EYS: variants seen among roughly 807,000 people sequenced by gnomAD.
The protein encoded by EYS is protein eyes shut homolog.
In EYS, 250 loss-of-function variants were observed where a neutral mutation model predicts 282.1. The ratio of observed to expected loss-of-function variants is 0.89; its 90% CI spans 0.80 to 0.98. The LOEUF (loss-of-function observed/expected upper bound fraction) is 0.98, where lower values mean the gene tolerates loss of function less well. Ranked by LOEUF, EYS falls within the 50% of genes least tolerant of loss-of-function variation. EYS has a pLI of 0.00. For synonymous variants in EYS, 1,355 were observed against 1,282.9 expected (o/e 1.06, Z -1.20); for missense variants, 4,016 against 3,709.0 (o/e 1.08, Z -2.15).
chr6:65,130,330 G>A (rs374174655), intron 12 of EYS, among the ~76,000 whole-genome samples: 2 of 151,890 alleles, frequency 1.3e-5, no homozygotes, highest in South Asian at 2.1e-4. Context: ...AATAAGTTAC[G>A]TTCATGAAAT....
At chr6:65,610,612 CAT>C (rs533284567) in intron 2 of EYS, among the ~76,000 whole-genome samples, 7 of 152,170 alleles carry the variant, frequency 4.6e-5, no homozygotes, top group East Asian at 1.9e-4. Context: ...AAATTTGACA[CAT>C]GTCCTCTGTC....
intron 8 of EYS, among the ~76,000 whole-genome samples, chr6:65,375,459 C>CA (rs1237355957): frequency 2.0e-5 from 3 of 151,934 alleles, no homozygotes; most frequent in African/African-American, 7.2e-5. Flanking sequence ...CTGAAAATTC[C>CA]AAAAACCAGA....
At chr6:65,615,245 G>A (rs1479660126) in intron 2 of EYS, among the ~76,000 whole-genome samples, 2 of 151,926 alleles carry the variant, frequency 1.3e-5, no homozygotes, top group Non-Finnish European at 2.9e-5. Context: ...AAAGTTTAGG[G>A]TACTTTGCAG....
chr6:64,287,179 A>G (rs1348429103), intron 30 of EYS, among the ~76,000 whole-genome samples: 1 of 152,134 alleles, frequency 6.6e-6, no homozygotes, highest in Admixed American at 6.6e-5. Context: ...GTTTGCCTTA[A>G]TTAAGTCACT....
At chr6:65,684,547 G>A (rs558282833) in intron 1 of EYS, among the ~76,000 whole-genome samples, 2 of 152,088 alleles carry the variant, frequency 1.3e-5, no homozygotes, top group East Asian at 1.9e-4. Context: ...TTTGATACAC[G>A]TTTGTGTGTG....
intron 31 of EYS, among the ~76,000 whole-genome samples, chr6:64,155,702 C>G (rs936826914): frequency 6.6e-6 from 1 of 151,956 alleles, no homozygotes; most frequent in Non-Finnish European, 1.5e-5. Context: ...TGGGGTAAGG[C>G]GAACGATGTT....
At chr6:65,581,028 ACTTTTAAAAAAGTGAATTT>A (rs1346470635) in intron 2 of EYS, among the ~76,000 whole-genome samples, 2 of 152,114 alleles carry the variant, frequency 1.3e-5, no homozygotes, top group Non-Finnish European at 2.9e-5. Context: ...CTTTGTTTCA[ACTTTTAAAAAAGTGAATTT>A]CTCATAATGG....
At chr6:63,790,300 G>T (rs1267333722) in intron 37 of EYS, among the ~76,000 whole-genome samples, 3 of 152,168 alleles carry the variant, frequency 2.0e-5, no homozygotes, top group African/African-American at 7.2e-5. Context: ...CTACAGGGAG[G>T]TAGGTTTCCA....
chr6:64,010,406 G>A, intron 33 of EYS, among the ~76,000 whole-genome samples: 1 of 137,802 alleles, frequency 7.3e-6, no homozygotes, highest in Admixed American at 7.0e-5. Flanking sequence ...GGGGGGGGGT[G>A]GTGGTGTGGA....
intron 31 of EYS, among the ~76,000 whole-genome samples, chr6:64,214,428 T>A (rs752648021): frequency 6.6e-6 from 1 of 152,144 alleles, no homozygotes; most frequent in Non-Finnish European, 1.5e-5. Context: ...ACTGAAAAGT[T>A]TAAGCCATAG....
At chr6:65,656,119 C>T (rs558268910) in intron 1 of EYS, among the ~76,000 whole-genome samples, 1 of 151,804 alleles carries the variant, frequency 6.6e-6, no homozygotes, top group Non-Finnish European at 1.5e-5. Context: ...ACCTAATCAA[C>T]AAATGTATGT....
At chr6:64,875,932 T>C (rs999247387) in intron 19 of EYS, among the ~76,000 whole-genome samples, 17 of 152,042 alleles carry the variant, frequency 1.1e-4, no homozygotes, top group African/African-American at 3.9e-4. Flanking sequence ...ATTATCTTAT[T>C]TTGTAGAGTA....
chr6:65,443,095 A>G (rs776261394), intron 5 of EYS, among the ~76,000 whole-genome samples: 3 of 151,742 alleles, frequency 2.0e-5, no homozygotes, highest in Non-Finnish European at 4.4e-5. Flanking sequence ...ATACATGCAT[A>G]TGCATATACA....
intron 31 of EYS, among the ~76,000 whole-genome samples, chr6:64,164,765 T>G (rs982044723): frequency 1.1e-4 from 17 of 152,132 alleles, no homozygotes; most frequent in Non-Finnish European, 2.1e-4. Context: ...ATATTTTGAT[T>G]TGCTGAATGA....
At chr6:64,585,069 A>G (rs1460944957) in intron 26 of EYS, among the ~76,000 whole-genome samples, 1 of 152,136 alleles carries the variant, frequency 6.6e-6, no homozygotes, top group Non-Finnish European at 1.5e-5. Context: ...CACGGAACCA[A>G]CCCAGGTGTC....
intron 19 of EYS, among the ~76,000 whole-genome samples, chr6:64,837,210 T>C (rs1279124288): frequency 1.3e-5 from 2 of 151,428 alleles, no homozygotes; most frequent in African/African-American, 4.8e-5. Context: ...ACATGTATTG[T>C]TTTTAATGAG....
At chr6:63,796,935 T>C (rs1305199508) in intron 37 of EYS, among the ~76,000 whole-genome samples, 2 of 152,214 alleles carry the variant, frequency 1.3e-5, no homozygotes, top group Non-Finnish European at 2.9e-5. Flanking sequence ...GCCACAACGA[T>C]GGTGCTGTGG....
intron 19 of EYS, among the ~76,000 whole-genome samples, chr6:64,866,168 T>C (rs142634465): frequency 0.012 from 1,785 of 152,056 alleles, 24 homozygotes; most frequent in Non-Finnish European, 0.017. Context: ...TGAAAATACA[T>C]GCAATCTGTC....
chr6:65,253,568 T>C (rs1459309187), intron 12 of EYS, among the ~76,000 whole-genome samples: 1 of 151,900 alleles, frequency 6.6e-6, no homozygotes, highest in Non-Finnish European at 1.5e-5. Flanking sequence ...TGAGATATTT[T>C]ATAAGTCATA....
Sources: allele counts gnomAD v4.1 joint callset (sites outside exome capture counted in the v4.1 genomes callset), GRCh38; gene constraint gnomAD v4.1.1; transcripts MANE v1.5; gene names NCBI Gene and HGNC (gene_info 2026-07-23, HGNC 2026-07-21).